ANK3: variants seen among roughly 807,000 people sequenced by gnomAD.
ANK3 encodes the protein ankyrin-3.
ANK3 carries 57 observed loss-of-function variants against 370.9 expected under a neutral mutation model. The ratio of observed to expected loss-of-function variants is 0.15; its 90% CI spans 0.12 to 0.19. ANK3 has a LOEUF of 0.19. ANK3 is among the 10% of genes least tolerant of loss of function. The pLI, the probability that ANK3 is intolerant of heterozygous loss-of-function variation, is 1.00. For missense variants in ANK3, 4,439 were observed against 5,302.1 expected, an observed-to-expected ratio of 0.84 and a Z score of 5.06; for synonymous variants, 1,929 against 1,946.3, an observed-to-expected ratio of 0.99 and a Z score of 0.23.
intron 13 of ANK3, 132 bp downstream of exon 13, chr10:60,199,997 G>A: frequency 1.5e-6 from 1 of 649,258 alleles, no homozygotes. Flanking sequence ...ACTTGGGTAG[G>A]GACTTTTATC....
At chr10:60,524,644 C>A (rs2076426535) in intron 2 of ANK3, among the ~76,000 whole-genome samples, 1 of 152,110 alleles carries the variant, frequency 6.6e-6, no homozygotes, top group South Asian at 2.1e-4. Flanking sequence ...AAACCTCTTT[C>A]TTTTGCAAAT....
Position 60,508,940 on chromosome 10 carries a change from T to C in ANK3, c.96+106246A>G, listed in dbSNP as rs72807945. Reference sequence around the variant, plus strand: ...AACAGGTGATTGAACCAGGAATCGCTTAAGATCTTGAGGATGTTTCCCAGG... The same window carrying C: ...AACAGGTGATTGAACCAGGAATCGCCTAAGATCTTGAGGATGTTTCCCAGG... On this transcript the variant is annotated intron_variant, in intron 2 of 43. Transcript: ENST00000373827. 5.2e-3 allele frequency among the ~76,000 whole-genome samples: 785 copies of C among 152,266 alleles called. 4 individuals are homozygous for C. Among genetic ancestry groups the C allele is most frequent in the Non-Finnish European group, 6.7e-3 (455 of 68,002 alleles).
intron 2 of ANK3, among the ~76,000 whole-genome samples, chr10:60,458,424 T>C (rs2064804431): frequency 6.6e-6 from 1 of 152,086 alleles, no homozygotes; most frequent in Non-Finnish European, 1.5e-5. Context: ...AAGTAATAAT[T>C]AGGCACCCCT....
chr10:60,664,116 G>A (rs1288752099), intron 1 of ANK3, among the ~76,000 whole-genome samples: 1 of 152,192 alleles, frequency 6.6e-6, no homozygotes, highest in Non-Finnish European at 1.5e-5. Context: ...GCAGAAAGAG[G>A]ACACGTGAGA....
At chr10:60,301,303 T>C (rs2043715035) in intron 1 of ANK3, among the ~76,000 whole-genome samples, 1 of 147,880 alleles carries the variant, frequency 6.8e-6, no homozygotes, top group Non-Finnish European at 1.5e-5. Flanking sequence ...CACACATACA[T>C]ATATACACAC....
At chr10:60,086,199 C>T (rs1250009382) in intron 30 of ANK3, among the ~76,000 whole-genome samples, 1 of 152,184 alleles carries the variant, frequency 6.6e-6, no homozygotes, top group East Asian at 1.9e-4. Flanking sequence ...TCGGATTACA[C>T]TGGCGAGTAC....
At chr10:60,301,261 C>A (rs976175520) in intron 1 of ANK3, among the ~76,000 whole-genome samples, 2 of 145,834 alleles carry the variant, frequency 1.4e-5, no homozygotes, top group African/African-American at 5.0e-5. Flanking sequence ...CACACACATG[C>A]ACGCACACAT....
chr10:60,656,113 C>T (rs962677258), intron 1 of ANK3, among the ~76,000 whole-genome samples: 1 of 152,126 alleles, frequency 6.6e-6, no homozygotes, highest in Non-Finnish European at 1.5e-5. Context: ...TTTGATAGAA[C>T]TCACTAGGAA....
chr10:60,522,623 C>T (rs115703559), intron 2 of ANK3, among the ~76,000 whole-genome samples: 1,728 of 152,132 alleles, frequency 0.011, 38 homozygotes, highest in African/African-American at 0.04. Flanking sequence ...CAAGTTGCTA[C>T]GTACTTGTCT....
chr10:60,060,310 T>G (rs1438711429), intron 40 of ANK3: 4 of 184,212 alleles, frequency 2.2e-5, no homozygotes, highest in African/African-American at 9.7e-5. Flanking sequence ...AGTTTATATA[T>G]TTAAGTTTAT....
chr10:60,186,989 G>T, intron 16 of ANK3, 77 bp from the exon 17 acceptor site: 1 of 1,386,416 alleles, frequency 7.2e-7, no homozygotes. Flanking sequence ...AATAGTTTAT[G>T]TCTCTTTCTA....
intron 2 of ANK3, among the ~76,000 whole-genome samples, chr10:60,565,683 T>C (rs958413325): frequency 2.0e-5 from 3 of 152,176 alleles, no homozygotes; most frequent in African/African-American, 7.2e-5. Flanking sequence ...AATCATTTTC[T>C]CTCTCATCTC....
chr10:60,141,908 C>T (rs1009569645), intron 23 of ANK3, among the ~76,000 whole-genome samples: 3 of 152,086 alleles, frequency 2.0e-5, no homozygotes, highest in Non-Finnish European at 4.4e-5. Context: ...GAAGGGAAGT[C>T]ATTTATAATG....
intron 1 of ANK3, among the ~76,000 whole-genome samples, chr10:60,703,534 T>C (rs1379202457): frequency 6.6e-6 from 1 of 152,192 alleles, no homozygotes. Flanking sequence ...CAGCGTTTGG[T>C]TTCTATCTTC....
intron 2 of ANK3, among the ~76,000 whole-genome samples, chr10:60,421,168 C>T (rs980433137): frequency 4.6e-5 from 7 of 151,716 alleles, no homozygotes; most frequent in South Asian, 4.2e-4. Context: ...AAGAGATTTC[C>T]GGAGCGAAGA....
In ANK3 at chr10:60,545,735, A is replaced by G. The variant is rs112219786; in HGVS notation, c.96+69451T>C. Reference sequence around the variant, plus strand: ...GATAGACATACAGAGGGCACTATAAATTAAAATCTGGTTATATGATATTTA... The same window carrying G: ...GATAGACATACAGAGGGCACTATAAGTTAAAATCTGGTTATATGATATTTA... On this transcript the variant is annotated intron_variant, in intron 2 of 43. Coordinates refer to the ANK3 transcript ENST00000373827. Among the ~76,000 whole-genome samples the G allele has an allele frequency of 3.6e-3, 552 of 152,344 alleles. 3 individuals are homozygous for G. Among genetic ancestry groups the G allele is most frequent in the African/African-American group, 0.012 (517 of 41,584 alleles).
chr10:60,571,973 T>A (rs1273177929), intron 2 of ANK3, among the ~76,000 whole-genome samples: 1 of 152,178 alleles, frequency 6.6e-6, no homozygotes, highest in Non-Finnish European at 1.5e-5. Flanking sequence ...CTGTCAGCCA[T>A]AAAGTGATCA....
chr10:60,576,279 A>T (rs1245368717), intron 2 of ANK3, among the ~76,000 whole-genome samples: 1 of 152,200 alleles, frequency 6.6e-6, no homozygotes, highest in Non-Finnish European at 1.5e-5. Context: ...AAACTAGTTG[A>T]TACAGATCTG....
intron 38 of ANK3, among the ~76,000 whole-genome samples, chr10:60,065,756 T>G (rs1056576906): frequency 5.3e-5 from 8 of 152,186 alleles, no homozygotes; most frequent in Admixed American, 1.3e-4. Context: ...TTAATACACT[T>G]AAACACAGTC....
Sources: gnomAD v4.1 joint callset for allele counts (sites outside exome capture counted in the v4.1 genomes callset) on GRCh38, gnomAD v4.1.1 for gene constraint, MANE v1.5 for transcripts, NCBI Gene and HGNC (gene_info 2026-07-23, HGNC 2026-07-21) for gene names.